Variants in ARID5B observed in about 807,000 individuals in gnomAD.
ARID5B encodes the protein AT-rich interactive domain-containing protein 5B.
In ARID5B, 13 loss-of-function variants were observed where a neutral mutation model predicts 97.2. The observed-to-expected ratio is 0.13, with a 90% CI of 0.09 to 0.21. ARID5B has a LOEUF of 0.21. Among genes scored for constraint, ARID5B ranks in the 10% least tolerant of loss-of-function variants. ARID5B has a pLI of 1.00. For synonymous variants in ARID5B, 556 were observed against 570.3 expected, an observed-to-expected ratio of 0.97 and a Z score of 0.36; for missense variants, 1,210 against 1,465.3, an observed-to-expected ratio of 0.83 and a Z score of 2.84.
At chr10:61,966,114 C>A (rs964890052) in intron 3 of ARID5B, among the ~76,000 whole-genome samples, 2 of 152,200 alleles carry the variant, frequency 1.3e-5, no homozygotes, top group Non-Finnish European at 2.9e-5. Context: ...AGGCTTACCA[C>A]TGTTAATGGT....
chr10:61,988,657 T>C (rs1373444475), intron 3 of ARID5B, among the ~76,000 whole-genome samples: 1 of 152,192 alleles, frequency 6.6e-6, no homozygotes, highest in Non-Finnish European at 1.5e-5. Context: ...TCAAGATAGT[T>C]GGCCAAAAGG....
chr10:62,044,801 C>T (rs1026408752), intron 4 of ARID5B, among the ~76,000 whole-genome samples: 6 of 152,278 alleles, frequency 3.9e-5, no homozygotes, highest in East Asian at 1.9e-4. Flanking sequence ...AGAGTTAGAA[C>T]GTCGCGCAGG....
At chr10:62,082,666 AC>A (rs1226819955) in intron 8 of ARID5B, among the ~76,000 whole-genome samples, 1 of 152,194 alleles carries the variant, frequency 6.6e-6, no homozygotes. Flanking sequence ...TCTAAGGCTA[AC>A]CTGTTTTTAA....
At chr10:61,945,574 C>T (rs1294806480) in intron 3 of ARID5B, among the ~76,000 whole-genome samples, 2 of 152,006 alleles carry the variant, frequency 1.3e-5, no homozygotes, top group Non-Finnish European at 2.9e-5. Flanking sequence ...TTCACTCTGC[C>T]ATTTTCCATA....
intron 4 of ARID5B, among the ~76,000 whole-genome samples, chr10:62,042,962 T>C (rs1839660599): frequency 6.6e-6 from 1 of 151,358 alleles, no homozygotes; most frequent in Admixed American, 6.6e-5. Flanking sequence ...GACAAAGGAT[T>C]CTTTCCATAG....
intron 7 of ARID5B, 24 bp downstream of exon 7, chr10:62,059,319 G>T (rs1181530540): frequency 1.9e-6 from 3 of 1,605,070 alleles, no homozygotes; most frequent in Admixed American, 3.4e-5. Context: ...CAACTTAAAT[G>T]AAATAATTTT....
chr10:61,902,014 G>A (rs1371263321), intron 1 of ARID5B, 145 bp from the exon 2 acceptor site: 2 of 1,014,170 alleles, frequency 2.0e-6, no homozygotes, highest in Non-Finnish European at 2.9e-6. Context: ...AAATTTGTGG[G>A]TGCTATTATT....
intron 2 of ARID5B, among the ~76,000 whole-genome samples, chr10:61,915,627 C>A (rs905966901): frequency 6.6e-6 from 1 of 152,116 alleles, no homozygotes; most frequent in South Asian, 2.1e-4. Context: ...CATCTAGACA[C>A]CTGGGGTGCA....
chr10:62,018,624 CTG>C (rs1839314826), intron 4 of ARID5B, among the ~76,000 whole-genome samples: 1 of 147,958 alleles, frequency 6.8e-6, no homozygotes, highest in Middle Eastern at 3.3e-3. Context: ...GCCCCCACCA[CTG>C]TCGTCTTTTA....
intron 6 of ARID5B, 64 bp from the exon 7 acceptor site, chr10:62,059,179 A>AT: frequency 7.6e-7 from 1 of 1,314,674 alleles, no homozygotes; most frequent in East Asian, 2.4e-5. Flanking sequence ...AAATGTTTTA[A>AT]TTGACATTTC....
intron 8 of ARID5B, among the ~76,000 whole-genome samples, chr10:62,074,253 TAAAC>T (rs960464547): frequency 1.7e-4 from 26 of 152,242 alleles, no homozygotes; most frequent in African/African-American, 5.3e-4. Context: ...ATCAAAATCA[TAAAC>T]AAATGTATTT....
rs1222544223 is a variant in ARID5B, at chr10:61,909,098, A to G, written c.276+6685A>G. On this transcript the variant is annotated intron_variant, in intron 2 of 9. Coordinates refer to ENST00000279873, the MANE Select transcript of ARID5B (RefSeq NM_032199.3). The stretch of plus-strand genomic sequence containing the variant: ...TAGGCCCTGGGGATGCAGCATGAAC[A>G]AGACAGACAAAAATCACTGCTCCCA... Among the ~76,000 whole-genome samples the G allele has an allele frequency of 9.1e-4, 139 of 152,272 alleles. 1 individual carries two copies. The highest frequency in any genetic ancestry group is 1.0e-4 in the Non-Finnish European group (7 of 68,012).
intron 3 of ARID5B, among the ~76,000 whole-genome samples, chr10:61,962,675 T>C (rs1838487874): frequency 6.6e-6 from 1 of 152,208 alleles, no homozygotes; most frequent in Admixed American, 6.5e-5. Flanking sequence ...ATACAAATAT[T>C]ATGCAGGTAA....
Position 61,902,281 on chromosome 10 carries a change from A to G in ARID5B, c.144A>G (p.Pro48=). ...ACTTTTTCTTTGTAAGATGTACGCC[A>G]AAGGATCCGATTTGCATAGCGGAGC... ...LGDFFFVRCT[P]KDPICIAELQ... is the part of the protein sequence containing the mutation. The change falls in exon 2 of 10, where the codon CCA becomes CCG. Residue 48 remains proline (P), a synonymous_variant. Coordinates refer to ENST00000279873, the MANE Select transcript of ARID5B (RefSeq NM_032199.3). 2 of 1,614,160 alleles carry G rather than the reference A, an allele frequency of 1.2e-6. No individual in the cohort carries two copies. Among genetic ancestry groups the G allele is most frequent in the East Asian group, 2.2e-5 (1 of 44,878 alleles).
chr10:61,976,300 T>C (rs895224094), intron 3 of ARID5B, among the ~76,000 whole-genome samples: 18 of 152,242 alleles, frequency 1.2e-4, no homozygotes, highest in Non-Finnish European at 2.6e-4. Flanking sequence ...CGCATGCAGC[T>C]ATAATGGCAA....
chr10:62,054,508 G>C (rs1423747785), intron 5 of ARID5B, among the ~76,000 whole-genome samples: 1 of 152,202 alleles, frequency 6.6e-6, no homozygotes, highest in Non-Finnish European at 1.5e-5. Context: ...CTGAGATTCA[G>C]GACAGAGTTC....
chr10:61,912,044 T>C (rs1340823956), intron 2 of ARID5B, among the ~76,000 whole-genome samples: 3 of 152,240 alleles, frequency 2.0e-5, no homozygotes, highest in East Asian at 3.8e-4. Context: ...TGACCCAGGA[T>C]ACTTGCTTGG....
intron 2 of ARID5B, among the ~76,000 whole-genome samples, chr10:61,933,333 GGTTGAATCAA>G (rs1844245525): frequency 6.6e-6 from 1 of 152,072 alleles, no homozygotes; most frequent in Non-Finnish European, 1.5e-5. Flanking sequence ...CACCTATGAG[GGTTGAATCAA>G]TGCCTTCCAA....
At chr10:62,058,868 T>C (rs1358112388) in intron 6 of ARID5B, among the ~76,000 whole-genome samples, 1 of 152,234 alleles carries the variant, frequency 6.6e-6, no homozygotes, top group Non-Finnish European at 1.5e-5. Context: ...TATATATTAC[T>C]GTTTAATCAA....
Sources: allele counts gnomAD v4.1 joint callset (sites outside exome capture counted in the v4.1 genomes callset), GRCh38; gene constraint gnomAD v4.1.1; transcripts MANE v1.5; gene names NCBI Gene and HGNC (gene_info 2026-07-23, HGNC 2026-07-21).